The following FSD1L variants were observed in gnomAD, a reference collection of about 807,000 sequenced individuals.
The protein encoded by FSD1L is fibronectin type III and SPRY domain containing 1 like.
A neutral mutation model predicts 71.6 loss-of-function variants in FSD1L; 45 were observed. The observed-to-expected ratio is 0.63, with a 90% CI of 0.49 to 0.81. The LOEUF is 0.81. Among genes scored for constraint, FSD1L ranks in the 30% least tolerant of loss-of-function variants. FSD1L has a pLI of 0.00. For synonymous variants in FSD1L, 197 were observed against 207.2 expected (o/e 0.95, Z 0.42); for missense variants, 561 against 618.1 (o/e 0.91, Z 0.98).
rs143744583 is a variant in FSD1L, at chr9:105,508,486, C to T, written c.797-131C>T. On this transcript the variant is annotated intron_variant, in intron 8 of 13. Transcript: ENST00000481272. ...GCCACTGCGCCTGGCCCACATACCA[C>T]TCTTTTAACAAATTCATACTCTTCC... 6.2e-5 allele frequency: 37 copies of T among 600,598 alleles called. No individual in the cohort carries two copies. The African/African-American group carries it at 6.4e-4, about 10-fold the overall frequency. 37.2% of individuals were successfully genotyped at this position (600,598 alleles called of 1,614,324 possible).
In FSD1L at chr9:105,498,008, T is replaced by C. The variant is rs148631085; in HGVS notation, c.587-8391T>C. Among the ~76,000 whole-genome samples the C allele has an allele frequency of 6.3e-3, 961 of 152,126 alleles. 16 individuals are homozygous for C. Among genetic ancestry groups the C allele is most frequent in the African/African-American group, 0.022 (913 of 41,488 alleles). On this transcript the variant is annotated intron_variant, in intron 7 of 13. Transcript: ENST00000481272. Reference sequence around the variant, plus strand: ...ACAGGCATGTGCTACCATGCCCAGCTAATTTAAATCTTTTTTTGTAGAGAT... The same window carrying C: ...ACAGGCATGTGCTACCATGCCCAGCCAATTTAAATCTTTTTTTGTAGAGAT...
intron 7 of FSD1L, among the ~76,000 whole-genome samples, chr9:105,491,967 GGTTGT>G (rs1206162795): frequency 6.6e-6 from 1 of 151,698 alleles, no homozygotes; most frequent in Admixed American, 6.6e-5. Flanking sequence ...TCTCTTTTTT[GGTTGT>G]GTCTCTGCCC....
intron 6 of FSD1L, among the ~76,000 whole-genome samples, chr9:105,482,777 ATTCTTT>A (rs1383482045): frequency 1.3e-5 from 2 of 152,164 alleles, no homozygotes; most frequent in African/African-American, 2.4e-5. Flanking sequence ...TATGGGGCAT[ATTCTTT>A]TTCTTTGATG....
chr9:105,512,975 T>C, intron 10 of FSD1L, 39 bp downstream of exon 10: 1 of 1,439,642 alleles, frequency 6.9e-7, no homozygotes. Context: ...GGACAAATGC[T>C]TGTACACTGG....
Position 105,450,231 on chromosome 9 carries a change from C to T in FSD1L, c.15+1996C>T, listed in dbSNP as rs148038075. Among the ~76,000 whole-genome samples the T allele has an allele frequency of 3.5e-3, 526 of 152,246 alleles. 5 individuals are homozygous for T. The highest frequency in any genetic ancestry group is 0.012 in the African/African-American group (495 of 41,548). On this transcript the variant is annotated intron_variant, in intron 1 of 13. Transcript: ENST00000481272. Reference sequence around the variant, plus strand: ...ACACCCCAGACATGATTTTTAGATACTATTTTCTGTTATGGAATGTACATT... The same window carrying T: ...ACACCCCAGACATGATTTTTAGATATTATTTTCTGTTATGGAATGTACATT...
chr9:105,515,096 C>A (rs894630854), intron 10 of FSD1L, among the ~76,000 whole-genome samples: 1 of 152,072 alleles, frequency 6.6e-6, no homozygotes, highest in South Asian at 2.1e-4. Flanking sequence ...GGAATTGCAA[C>A]TCTCTCTCGA....
chr9:105,479,207 T>C, intron 5 of FSD1L, 147 bp from the exon 6 acceptor site: 1 of 618,628 alleles, frequency 1.6e-6, no homozygotes, highest in South Asian at 2.6e-5. Flanking sequence ...ACTATACACA[T>C]AAATTTTCTA....
intron 7 of FSD1L, among the ~76,000 whole-genome samples, chr9:105,502,160 A>AT (rs1240077248): frequency 6.6e-6 from 1 of 151,998 alleles, no homozygotes; most frequent in African/African-American, 2.4e-5. Flanking sequence ...TTCTTCTTTA[A>AT]TTGTCTAGCT....
intron 6 of FSD1L, among the ~76,000 whole-genome samples, chr9:105,481,201 T>C (rs1832174035): frequency 6.9e-6 from 1 of 145,198 alleles, no homozygotes; most frequent in South Asian, 2.2e-4. Flanking sequence ...TTTTTTTTTT[T>C]TTTGCTTGTT....
chr9:105,520,199 A>G (rs543640839), intron 10 of FSD1L: 12 of 1,611,554 alleles, frequency 7.4e-6, no homozygotes, highest in Middle Eastern at 2.3e-4. Context: ...AGAAGGACGC[A>G]CTGACTCGCC....
chr9:105,448,503 A>T (rs2131548023), intron 1 of FSD1L, among the ~76,000 whole-genome samples: 1 of 152,324 alleles, frequency 6.6e-6, no homozygotes. Context: ...AAACGGAGCC[A>T]TCCCCCTTTT....
rs1026852115 is a variant in FSD1L, at chr9:105,546,489, A to G, written c.*6A>G. ...ACAATGTTGTTACTCAATAGTGTCT[A>G]CTCAGAATACGTTTACCCTCCGTCT... On this transcript the variant is annotated 3_prime_UTR_variant, in exon 14 of 14. Transcript: ENST00000481272. 3.3e-6 allele frequency: 5 copies of G among 1,535,030 alleles called. No individual in the cohort carries two copies. The highest frequency in any genetic ancestry group is 4.4e-6 in the Non-Finnish European group (5 of 1,141,000).
chr9:105,526,050 T>G (rs1835487211), intron 10 of FSD1L: 5 of 1,506,230 alleles, frequency 3.3e-6, no homozygotes, highest in Non-Finnish European at 4.6e-6. Context: ...TTGTAATATA[T>G]CCAATGAAAA....
chr9:105,511,308 A>C (rs1834383910), intron 9 of FSD1L, among the ~76,000 whole-genome samples: 1 of 151,834 alleles, frequency 6.6e-6, no homozygotes, highest in African/African-American at 2.4e-5. Context: ...CAGCCTTAGG[A>C]TTTTAGCAAG....
At chr9:105,527,345 A>C (rs1050503750) in intron 10 of FSD1L, among the ~76,000 whole-genome samples, 2 of 151,652 alleles carry the variant, frequency 1.3e-5, no homozygotes, top group Non-Finnish European at 2.9e-5. Flanking sequence ...AAGAAGGAAA[A>C]TTTTCTGATA....
intron 12 of FSD1L, among the ~76,000 whole-genome samples, chr9:105,535,665 A>T (rs967440713): frequency 6.6e-6 from 1 of 152,182 alleles, no homozygotes; most frequent in Non-Finnish European, 1.5e-5. Flanking sequence ...TAGTTGAAGT[A>T]GATCTTAGAA....
intron 7 of FSD1L, among the ~76,000 whole-genome samples, chr9:105,488,509 C>T (rs1293440010): frequency 6.6e-6 from 1 of 152,108 alleles, no homozygotes. Context: ...TTTGTGTAGA[C>T]ATAAGTTTTC....
chr9:105,545,217 G>C lies in FSD1L; in HGVS notation c.1468-1141G>C, dbSNP rs74895214. Among the ~76,000 whole-genome samples, 83 of 132,212 alleles carry C rather than the reference G, an allele frequency of 6.3e-4. 3 individuals are homozygous for C. Among genetic ancestry groups the C allele is most frequent in the Admixed American group, 1.9e-3 (26 of 13,522 alleles). 86.7% of individuals were successfully genotyped at this position (132,212 alleles called of 152,430 possible). On this transcript the variant is annotated intron_variant, in intron 13 of 13. Coordinates refer to ENST00000481272, the MANE Select transcript of FSD1L (RefSeq NM_001145313.3). ...GTGAATGGGAGTTCACTCATGATTT[G>C]GCTCTCTGTTTGTTATTGGTGTATA...
At chr9:105,523,956 C>G in intron 10 of FSD1L, 1 of 1,591,030 alleles carries the variant, frequency 6.3e-7, no homozygotes, top group Non-Finnish European at 8.6e-7. Context: ...AGTAGAAGCA[C>G]AAGTTCTTCT....
Sources: gnomAD v4.1 joint callset for allele counts (sites outside exome capture counted in the v4.1 genomes callset) on GRCh38, gnomAD v4.1.1 for gene constraint, MANE v1.5 for transcripts, NCBI Gene and HGNC (gene_info 2026-07-23, HGNC 2026-07-21) for gene names.